RFX8: variants seen among roughly 807,000 people sequenced by gnomAD.
RFX8 encodes the protein DNA-binding protein RFX8.
In RFX8, 46 loss-of-function variants were observed where a neutral mutation model predicts 54.6. The ratio of observed to expected loss-of-function variants is 0.84; its 90% CI spans 0.67 to 1.08. The LOEUF (loss-of-function observed/expected upper bound fraction) is 1.08, where lower values mean the gene tolerates loss of function less well. Ranked by LOEUF, RFX8 falls within the 50% of genes least tolerant of loss-of-function variation. RFX8 has a pLI of 0.00. For missense variants in RFX8, 536 were observed against 562.3 expected (o/e 0.95, Z 0.47); for synonymous variants, 192 against 209.5 (o/e 0.92, Z 0.72).
chr2:101,472,174 C>T (rs1472700631), intron 1 of RFX8, among the ~76,000 whole-genome samples: 1 of 152,212 alleles, frequency 6.6e-6, no homozygotes, highest in Non-Finnish European at 1.5e-5. Flanking sequence ...AATCTTGGTT[C>T]ACTACAACCT....
In RFX8 at chr2:101,446,725, G is replaced by A. The variant is rs2148966069; in HGVS notation, c.72+20052C>T. Among the ~76,000 whole-genome samples, 3 of 148,992 alleles carry A rather than the reference G, an allele frequency of 2.0e-5. No individual in the cohort carries two copies. In the South Asian group the frequency reaches 6.4e-4, roughly 32 times the overall value. On this transcript the variant is annotated intron_variant, in intron 2 of 11. Transcript: ENST00000428343. ...GGTCTCTCCCCTCTGAGTGCCGAGTGCCTGCCTAGTTACTTGTTTTCCTGG... is the reference window on the plus strand; with the variant it reads ...GGTCTCTCCCCTCTGAGTGCCGAGTACCTGCCTAGTTACTTGTTTTCCTGG...
intron 5 of RFX8, 132 bp from the exon 6 acceptor site, chr2:101,417,816 C>T: frequency 3.4e-6 from 2 of 582,652 alleles, no homozygotes; most frequent in East Asian, 3.2e-5. Context: ...GAAGGGGCAG[C>T]ACCATGCAAC....
chr2:101,466,823 C>T lies in RFX8; in HGVS notation c.26G>A (p.Cys9Tyr), dbSNP rs1282143251. ...GACTTGGTTCTCAGTGTTTTGCCCACAGGTCTCCACGTAAATCTCATACAT... is the reference window on the plus strand; with the variant it reads ...GACTTGGTTCTCAGTGTTTTGCCCATAGGTCTCCACGTAAATCTCATACAT... MYEIYVET[C>Y]GQNTENQVNP... Residue 9 changes from cysteine to tyrosine, a missense_variant, in exon 2 of 12, where the codon TGT becomes TAT. Physicochemically the swap from Cys to Tyr is radical, Grantham distance 194. Transcript: ENST00000428343. 2 of 1,551,682 alleles carry T rather than the reference C, an allele frequency of 1.3e-6. No individual in the cohort carries two copies. The highest frequency in any genetic ancestry group is 8.7e-7 in the Non-Finnish European group (1 of 1,146,928).
intron 2 of RFX8, among the ~76,000 whole-genome samples, chr2:101,446,931 C>G (rs1400237045): frequency 6.6e-6 from 1 of 152,198 alleles, no homozygotes; most frequent in African/African-American, 2.4e-5. Context: ...AAATAAATCT[C>G]TCATTATAGC....
chr2:101,429,853 T>C (rs1245262880), intron 2 of RFX8, among the ~76,000 whole-genome samples: 1 of 152,154 alleles, frequency 6.6e-6, no homozygotes, highest in Admixed American at 6.5e-5. Flanking sequence ...AAGGAGGACC[T>C]GGGAGGAGGT....
chr2:101,474,498 GCGCCCCGCCGAGGATGCGCGGACCC>G (rs1438296213), intron 1 of RFX8, 113 bp downstream of exon 1: 5 of 339,552 alleles, frequency 1.5e-5, no homozygotes, highest in Non-Finnish European at 2.7e-5. Flanking sequence ...CCCAACCCCC[GCGCCCCGCCGAGGATGCGCGGACCC>G]CGCCCTGCAT....
At chr2:101,453,495 G>A (rs1338105110) in intron 2 of RFX8, among the ~76,000 whole-genome samples, 5 of 151,574 alleles carry the variant, frequency 3.3e-5, no homozygotes, top group Non-Finnish European at 5.9e-5. Flanking sequence ...AAAATTAGCC[G>A]GGCATGAACC....
chr2:101,416,098 A>G (rs1301931865), intron 6 of RFX8, among the ~76,000 whole-genome samples: 1 of 150,920 alleles, frequency 6.6e-6, no homozygotes, highest in Non-Finnish European at 1.5e-5. Context: ...GCAGTGGAGG[A>G]GAGTGGGCCA....
chr2:101,422,458 T>C lies in RFX8; in HGVS notation c.87A>G (p.Ser29=), dbSNP rs1300152042. 6.5e-7 allele frequency: 1 copy of C among 1,542,860 alleles called. No individual in the cohort carries two copies. The highest frequency in any genetic ancestry group is 8.8e-7 in the Non-Finnish European group (1 of 1,138,906). The change falls in exon 3 of 12, where the codon TCA becomes TCG. Residue 29 remains serine, a synonymous_variant. Transcript: ENST00000428343. The part of the protein sequence containing the change: ...PATFGKCEDH[S]PMKTDPVGSP... ...ATCCAACTGGGTCTGTCTTCATCGG[T>C]GAATGATCTTCACACTAAAAATCAT...
intron 2 of RFX8, among the ~76,000 whole-genome samples, chr2:101,426,438 G>C (rs753313360): frequency 1.3e-5 from 2 of 152,172 alleles, no homozygotes; most frequent in African/African-American, 4.8e-5. Flanking sequence ...AAGTTGGCTT[G>C]AGCCTAGAAG....
chr2:101,417,151 C>A (rs1343908790), intron 6 of RFX8, among the ~76,000 whole-genome samples: 1 of 152,224 alleles, frequency 6.6e-6, no homozygotes, highest in African/African-American at 2.4e-5. Context: ...CTGAAAGCTA[C>A]CACCCAGGGT....
intron 2 of RFX8, among the ~76,000 whole-genome samples, chr2:101,459,219 C>T (rs181021308): frequency 9.0e-4 from 137 of 152,254 alleles, no homozygotes; most frequent in Non-Finnish European, 7.1e-4. Flanking sequence ...TCTGTCAAAT[C>T]GTCAAAGTCA....
intron 2 of RFX8, among the ~76,000 whole-genome samples, chr2:101,430,032 T>G (rs1215017597): frequency 6.6e-6 from 1 of 152,236 alleles, no homozygotes; most frequent in Non-Finnish European, 1.5e-5. Flanking sequence ...ACCCATCTGA[T>G]AAATGTTTCC....
chr2:101,427,368 G>A (rs911399814), intron 2 of RFX8, among the ~76,000 whole-genome samples: 1 of 152,176 alleles, frequency 6.6e-6, no homozygotes, highest in Non-Finnish European at 1.5e-5. Flanking sequence ...GCTGCAGGGA[G>A]CCAGAGAGAC....
intron 2 of RFX8, among the ~76,000 whole-genome samples, chr2:101,427,030 C>A (rs1687211463): frequency 6.6e-6 from 1 of 152,210 alleles, no homozygotes; most frequent in African/African-American, 2.4e-5. Flanking sequence ...TGCTCCCCAG[C>A]ATATGCACGC....
intron 7 of RFX8, among the ~76,000 whole-genome samples, chr2:101,414,566 C>T (rs921713328): frequency 6.6e-6 from 1 of 152,110 alleles, no homozygotes; most frequent in Non-Finnish European, 1.5e-5. Context: ...GAGCCCCCCA[C>T]GCCTGGCCAT....
intron 11 of RFX8, among the ~76,000 whole-genome samples, chr2:101,400,166 G>A (rs1685348944): frequency 6.6e-6 from 1 of 152,206 alleles, no homozygotes; most frequent in African/African-American, 2.4e-5. Context: ...AGACGTAAAA[G>A]CTTACTCCTG....
In RFX8 at chr2:101,418,843, C is replaced by T. The variant is rs779118737; in HGVS notation, c.351+8G>A. On this transcript the variant is annotated splice_region_variant and intron_variant, in intron 5 of 11. Transcript: ENST00000428343. ...GGATATACTCTAGAGACTCACGCGTCCTCCTACCTTGTACAGCTGGACGTC... is the reference window on the plus strand; with the variant it reads ...GGATATACTCTAGAGACTCACGCGTTCTCCTACCTTGTACAGCTGGACGTC... 2.9e-5 allele frequency: 45 copies of T among 1,526,060 alleles called. No homozygotes were observed. Among genetic ancestry groups the T allele is most frequent in the Non-Finnish European group, 3.8e-5 (43 of 1,123,664 alleles). 94.5% of individuals were successfully genotyped at this position (1,526,060 alleles called of 1,614,324 possible).
chr2:101,402,310 G>T, intron 11 of RFX8, 126 bp downstream of exon 11: 1 of 854,678 alleles, frequency 1.2e-6, no homozygotes, highest in Non-Finnish European at 1.8e-6. Context: ...AAATCACCTA[G>T]GGTAAAGATG....
Sources: allele counts gnomAD v4.1 joint callset (sites outside exome capture counted in the v4.1 genomes callset), GRCh38; gene constraint gnomAD v4.1.1; transcripts MANE v1.5; gene names NCBI Gene and HGNC (gene_info 2026-07-23, HGNC 2026-07-21).